Variants in LIMK2 observed in about 807,000 individuals in gnomAD.
LIMK2 encodes the protein LIM domain kinase 2.
A neutral mutation model predicts 75.7 loss-of-function variants in LIMK2; 35 were observed. The observed-to-expected ratio is 0.46, with a 90% CI of 0.35 to 0.61. LIMK2 has a LOEUF of 0.61. Ranked by LOEUF, LIMK2 falls within the 20% of genes least tolerant of loss-of-function variation. The pLI is 0.00. For synonymous variants in LIMK2, 301 were observed against 319.2 expected, an observed-to-expected ratio of 0.94 and a Z score of 0.61; for missense variants, 623 against 831.0, an observed-to-expected ratio of 0.75 and a Z score of 3.08.
chr22:31,245,697 C>T (rs150879614), intron 2 of LIMK2, among the ~76,000 whole-genome samples: 2,028 of 152,074 alleles, frequency 0.013, 21 homozygotes, highest in Middle Eastern at 0.027. Context: ...TCCTTGGCCT[C>T]TCGAATGCTG....
At chr22:31,243,916 T>C (rs886326213) in intron 2 of LIMK2, among the ~76,000 whole-genome samples, 1 of 152,236 alleles carries the variant, frequency 6.6e-6, no homozygotes, top group African/African-American at 2.4e-5. Context: ...CAGCAGCTTA[T>C]CACATCTGGT....
chr22:31,237,032 G>A (rs964564366), intron 2 of LIMK2, among the ~76,000 whole-genome samples: 3 of 146,470 alleles, frequency 2.0e-5, no homozygotes, highest in Non-Finnish European at 4.5e-5. Context: ...GAGGCCGAGG[G>A]GGGCGGATCA....
At chr22:31,232,980 T>TC (rs904593904) in intron 2 of LIMK2, among the ~76,000 whole-genome samples, 2 of 152,196 alleles carry the variant, frequency 1.3e-5, no homozygotes, top group Non-Finnish European at 2.9e-5. Context: ...AGCCTGGCTT[T>TC]CATTCTGTTT....
intron 2 of LIMK2, chr22:31,230,031 C>CTTTT (rs1361751087): frequency 1.4e-5 from 2 of 143,772 alleles, no homozygotes; most frequent in African/African-American, 2.6e-5. Context: ...TTTTTCTTTT[C>CTTTT]TTTTTTTTCT....
At chr22:31,241,599 C>G (rs942553589) in intron 2 of LIMK2, among the ~76,000 whole-genome samples, 1 of 152,124 alleles carries the variant, frequency 6.6e-6, no homozygotes, top group Non-Finnish European at 1.5e-5. Flanking sequence ...GCACATCACA[C>G]CCAGGAAGGA....
chr22:31,230,529 G>T (rs1255767996), intron 2 of LIMK2, among the ~76,000 whole-genome samples: 1 of 152,172 alleles, frequency 6.6e-6, no homozygotes, highest in African/African-American at 2.4e-5. Flanking sequence ...CTGGTTCCTA[G>T]CAGCATTATC....
intron 15 of LIMK2, 123 bp downstream of exon 15, chr22:31,275,431 T>A: frequency 1.1e-6 from 1 of 920,522 alleles, no homozygotes; most frequent in Non-Finnish European, 1.6e-6. Flanking sequence ...AGAATGTGGC[T>A]GTCAACCCCT....
chr22:31,231,056 A>G (rs1236837798), intron 2 of LIMK2, among the ~76,000 whole-genome samples: 8 of 152,234 alleles, frequency 5.3e-5, no homozygotes, highest in Non-Finnish European at 1.2e-4. Flanking sequence ...TCACAGAGCT[A>G]ATAGGTAGCA....
chr22:31,235,891 G>C (rs1281956997), intron 2 of LIMK2, among the ~76,000 whole-genome samples: 1 of 152,218 alleles, frequency 6.6e-6, no homozygotes, highest in Non-Finnish European at 1.5e-5. Context: ...TTGTAGTTAA[G>C]AGCACACTCT....
chr22:31,216,219 G>T (rs916348539), intron 1 of LIMK2, among the ~76,000 whole-genome samples: 2 of 152,204 alleles, frequency 1.3e-5, no homozygotes, highest in Non-Finnish European at 2.9e-5. Context: ...TAAGACTTGA[G>T]AAATCTTAAA....
intron 2 of LIMK2, chr22:31,248,514 C>T (rs1483595909): frequency 6.4e-7 from 1 of 1,567,734 alleles, no homozygotes; most frequent in Admixed American, 1.8e-5. Context: ...CCATGAGCCC[C>T]TGTGGGAATC....
chr22:31,258,958 A>C, intron 3 of LIMK2, 163 bp from the exon 4 acceptor site: 1 of 568,674 alleles, frequency 1.8e-6, no homozygotes, highest in Non-Finnish European at 3.2e-6. Context: ...AGGAGGTACC[A>C]ATCTGACACT....
At chr22:31,246,179 G>GCGCACACACACACACACACACA (rs1555886265) in intron 2 of LIMK2, among the ~76,000 whole-genome samples, 4 of 69,772 alleles carry the variant, frequency 5.7e-5, no homozygotes, top group Non-Finnish European at 1.2e-4. Context: ...ACACACGCAC[G>GCGCACACACACACACACACACA]CACGCACACA....
At chr22:31,237,566 AAAAG>A (rs1270943957) in intron 2 of LIMK2, among the ~76,000 whole-genome samples, 7 of 152,174 alleles carry the variant, frequency 4.6e-5, no homozygotes, top group African/African-American at 1.7e-4. Context: ...AAAAAAAAAA[AAAAG>A]AAGAAATGGA....
chr22:31,215,744 G>A (rs1186377836), intron 1 of LIMK2, among the ~76,000 whole-genome samples: 1 of 152,094 alleles, frequency 6.6e-6, no homozygotes, highest in Non-Finnish European at 1.5e-5. Context: ...GATCAGTAGT[G>A]GGATTGCGCC....
chr22:31,241,642 A>G (rs2048624888), intron 2 of LIMK2, among the ~76,000 whole-genome samples: 1 of 152,114 alleles, frequency 6.6e-6, no homozygotes, highest in South Asian at 2.1e-4. Context: ...CACCAGATCA[A>G]ACTACGTGAA....
intron 2 of LIMK2, among the ~76,000 whole-genome samples, chr22:31,234,545 A>G (rs981410701): frequency 8.7e-5 from 13 of 149,762 alleles, no homozygotes; most frequent in African/African-American, 2.9e-4. Context: ...ACATGGTGAA[A>G]CCCCATCTCT....
chr22:31,248,896 A>G, intron 2 of LIMK2: 1 of 983,888 alleles, frequency 1.0e-6, no homozygotes, highest in Non-Finnish European at 1.6e-6. Flanking sequence ...AAGCCAGCGG[A>G]GGTTATACCC....
Position 31,225,717 on chromosome 22 carries a change from C to T in LIMK2, c.17-3C>T. ...CCTCTCAACCTCTTGGTTTTGTGTGCAGGTGAAGATGTCTGGAGGTGTCCA... is the reference window on the plus strand; with the variant it reads ...CCTCTCAACCTCTTGGTTTTGTGTGTAGGTGAAGATGTCTGGAGGTGTCCA... On this transcript the variant is annotated splice_region_variant and splice_polypyrimidine_tract_variant and intron_variant, in intron 1 of 15. Coordinates refer to ENST00000331728, the MANE Select transcript of LIMK2 (RefSeq NM_005569.4). 3 of 1,612,686 alleles carry T rather than the reference C, an allele frequency of 1.9e-6. No individual in the cohort carries two copies. In the South Asian group the frequency reaches 3.3e-5, roughly 18 times the overall value.
Sources: allele counts gnomAD v4.1 joint callset (sites outside exome capture counted in the v4.1 genomes callset), GRCh38; gene constraint gnomAD v4.1.1; transcripts MANE v1.5; gene names NCBI Gene and HGNC (gene_info 2026-07-23, HGNC 2026-07-21).